Variants in MAN1A1 observed in about 807,000 individuals in gnomAD.
The protein encoded by MAN1A1 is mannosyl-oligosaccharide 1,2-alpha-mannosidase IA.
In MAN1A1, 29 loss-of-function variants were observed where a neutral mutation model predicts 70.8. That is an observed-to-expected ratio of 0.41 (90% CI 0.31 to 0.56). MAN1A1 has a LOEUF of 0.56. Among genes scored for constraint, MAN1A1 ranks in the 20% least tolerant of loss-of-function variants. The pLI is 0.29. For missense variants in MAN1A1, 747 were observed against 841.3 expected, an observed-to-expected ratio of 0.89 and a Z score of 1.39; for synonymous variants, 349 against 330.1, an observed-to-expected ratio of 1.06 and a Z score of -0.62.
intron 5 of MAN1A1, among the ~76,000 whole-genome samples, chr6:119,268,151 A>G (rs1775810672): frequency 6.6e-6 from 1 of 152,278 alleles, no homozygotes; most frequent in Middle Eastern, 3.4e-3. Context: ...TACTTTTATC[A>G]TTTCACTTTC....
chr6:119,348,669 T>G lies in MAN1A1; in HGVS notation c.397A>C (p.Arg133=). 6.2e-7 allele frequency: 1 copy of G among 1,612,506 alleles called. No homozygotes were observed. Among genetic ancestry groups the G allele is most frequent in the Non-Finnish European group, 8.5e-7 (1 of 1,179,372 alleles). Residue 133 remains arginine (R), a synonymous_variant, in exon 2 of 13, where the codon AGG becomes CGG. Coordinates refer to ENST00000368468, the MANE Select transcript of MAN1A1 (RefSeq NM_005907.4). The stretch of plus-strand genomic sequence containing the variant: ...TTCTGCAGGGTCTCCTTGGCTTCCC[T>G]GAGAGCCCGCTCGTGGTTTTCGCGG... The part of the protein sequence containing the change: ...RIRENHERAL[R]EAKETLQKLP...
intron 4 of MAN1A1, among the ~76,000 whole-genome samples, chr6:119,301,017 A>G (rs894989832): frequency 6.6e-6 from 1 of 152,210 alleles, no homozygotes; most frequent in Non-Finnish European, 1.5e-5. Context: ...CTCTGAGAGA[A>G]CAAGAGTGCC....
chr6:119,194,840 T>C (rs897084160), intron 8 of MAN1A1, among the ~76,000 whole-genome samples: 6 of 14,654 alleles, frequency 4.1e-4, no homozygotes, highest in Non-Finnish European at 2.5e-3. Context: ...ATTTTTTTTC[T>C]TTTTTTTTTT....
At chr6:119,248,178 TTATCTA>T (rs1376250609) in intron 6 of MAN1A1, 76 bp downstream of exon 6, 1 of 874,052 alleles carries the variant, frequency 1.1e-6, no homozygotes, top group Non-Finnish European at 1.8e-6. Flanking sequence ...ATATAAGTAA[TTATCTA>T]TCTAATGTAT....
chr6:119,223,409 T>TA (rs1262265963), intron 6 of MAN1A1, among the ~76,000 whole-genome samples: 4 of 151,808 alleles, frequency 2.6e-5, no homozygotes, highest in Admixed American at 6.6e-5. Context: ...TTATTTGACT[T>TA]AAAAAAAAGT....
At chr6:119,339,311 G>A (rs1773542700) in intron 2 of MAN1A1, among the ~76,000 whole-genome samples, 1 of 152,062 alleles carries the variant, frequency 6.6e-6, no homozygotes, top group Non-Finnish European at 1.5e-5. Flanking sequence ...TAAAAAGTGA[G>A]ACACAAATTT....
At chr6:119,312,734 C>A (rs1018506009) in intron 2 of MAN1A1, among the ~76,000 whole-genome samples, 3 of 152,130 alleles carry the variant, frequency 2.0e-5, no homozygotes, top group African/African-American at 7.2e-5. Flanking sequence ...TTAGTTCTCT[C>A]ATCTTTCAAA....
rs56956872 is a variant in MAN1A1, at chr6:119,317,893, AC to A, written c.604-10902del. Among the ~76,000 whole-genome samples, 806 of 152,064 alleles carry A rather than the reference AC, an allele frequency of 5.3e-3. 26 individuals carry two copies. In the East Asian group the frequency reaches 0.086, roughly 16 times the overall value. ...AAAATTTGTTTTTCCTAAAAAAAAA[AC>A]AAAAAAAACCTTCTGAAGTAACTGT... On this transcript the variant is annotated intron_variant, in intron 2 of 12. Transcript: ENST00000368468.
At chr6:119,266,785 C>G (rs1469124396) in intron 5 of MAN1A1, among the ~76,000 whole-genome samples, 1 of 151,990 alleles carries the variant, frequency 6.6e-6, no homozygotes, top group Non-Finnish European at 1.5e-5. Flanking sequence ...AAGACACTGT[C>G]AAGAGAATGA....
chr6:119,251,642 C>T lies in MAN1A1; in HGVS notation c.898-3288G>A, dbSNP rs74698662. 9.1e-3 allele frequency among the ~76,000 whole-genome samples: 1,379 copies of T among 152,256 alleles called. 7 individuals are homozygous for T. The highest frequency in any genetic ancestry group is 0.015 in the Non-Finnish European group (993 of 68,022). On this transcript the variant is annotated intron_variant, in intron 5 of 12. Transcript: ENST00000368468. ...AGAAGGCAAGAGAGAGATCTCTGAA[C>T]GTTTTATTGTGTTTTCTCTCATATC...
rs80232931 is a variant in MAN1A1, at chr6:119,206,945, G to A, written c.993-2063C>T. Among the ~76,000 whole-genome samples, 1,084 of 152,296 alleles carry A rather than the reference G, an allele frequency of 7.1e-3. 18 individuals are homozygous for A. Among genetic ancestry groups the A allele is most frequent in the African/African-American group, 0.024 (1,010 of 41,560 alleles). Reference sequence around the variant, plus strand: ...ACACAGTGTTGAGGAAGCCCAGCCCGCCTTCCAGATCTTCAGGGACTGGTT... The same window carrying A: ...ACACAGTGTTGAGGAAGCCCAGCCCACCTTCCAGATCTTCAGGGACTGGTT... On this transcript the variant is annotated intron_variant, in intron 6 of 12. Transcript: ENST00000368468.
upstream of MAN1A1, among the ~76,000 whole-genome samples, chr6:119,350,118 C>T (rs1158442591): frequency 1.3e-5 from 2 of 152,146 alleles, no homozygotes; most frequent in African/African-American, 2.4e-5. Context: ...CCTCGACTGG[C>T]CCGGGAGGCG....
rs1321123070 is a variant in MAN1A1, at chr6:119,178,660, G to A, written c.*1159C>T. 6.6e-6 allele frequency: 1 copy of A among 152,082 alleles called. No individual in the cohort carries two copies. The highest frequency in any genetic ancestry group is 1.9e-4 in the East Asian group (1 of 5,196). 9.4% of individuals were successfully genotyped at this position (152,082 alleles called of 1,614,324 possible). ...ATATTTCTTCTAAGTTGTGATCTCT[G>A]TGTTGACTATAACCATACTAAATAT... On this transcript the variant is annotated 3_prime_UTR_variant, in exon 13 of 13. Coordinates refer to ENST00000368468, the MANE Select transcript of MAN1A1 (RefSeq NM_005907.4).
intron 6 of MAN1A1, among the ~76,000 whole-genome samples, chr6:119,229,445 T>A (rs2114276702): frequency 6.6e-6 from 1 of 152,322 alleles, no homozygotes; most frequent in South Asian, 2.1e-4. Flanking sequence ...TGTTTTCTTT[T>A]CATAGATCAT....
At chr6:119,222,635 A>G (rs1167001515) in intron 6 of MAN1A1, among the ~76,000 whole-genome samples, 2 of 152,176 alleles carry the variant, frequency 1.3e-5, no homozygotes, top group Admixed American at 6.6e-5. Flanking sequence ...TCCACCTTTC[A>G]TCTTTACGAA....
At chr6:119,297,204 A>G (rs1772239285) in intron 4 of MAN1A1, among the ~76,000 whole-genome samples, 1 of 152,170 alleles carries the variant, frequency 6.6e-6, no homozygotes, top group Admixed American at 6.6e-5. Flanking sequence ...TCTGTTCTGG[A>G]AATAGGTTAG....
chr6:119,276,079 A>T (rs148962594), intron 5 of MAN1A1, among the ~76,000 whole-genome samples: 32 of 152,212 alleles, frequency 2.1e-4, no homozygotes, highest in Admixed American at 3.3e-4. Flanking sequence ...CAAAGGAAAG[A>T]AAGAAATGAA....
chr6:119,344,303 G>T (rs1012432596), intron 2 of MAN1A1, among the ~76,000 whole-genome samples: 2 of 152,188 alleles, frequency 1.3e-5, no homozygotes, highest in Admixed American at 6.5e-5. Context: ...ACAGCTTACA[G>T]AAAATGAAGC....
chr6:119,217,430 C>T (rs1031721048), intron 6 of MAN1A1, among the ~76,000 whole-genome samples: 1 of 152,122 alleles, frequency 6.6e-6, no homozygotes. Context: ...TACAGGCATG[C>T]ACCACCACGC....
Sources: allele counts gnomAD v4.1 joint callset (sites outside exome capture counted in the v4.1 genomes callset), GRCh38; gene constraint gnomAD v4.1.1; transcripts MANE v1.5; gene names NCBI Gene and HGNC (gene_info 2026-07-23, HGNC 2026-07-21).